The following DMD variants were observed in gnomAD, a reference collection of about 807,000 sequenced individuals.
DMD encodes mutant dystrophin.
A neutral mutation model predicts 330.1 loss-of-function variants in DMD; 63 were observed. The observed-to-expected ratio is 0.19, with a 90% CI of 0.16 to 0.24. The LOEUF (loss-of-function observed/expected upper bound fraction) is 0.24. Among genes scored for constraint, DMD ranks in the 10% least tolerant of loss-of-function variants. DMD has a pLI of 1.00. For synonymous variants in DMD, 1,223 were observed against 959.8 expected, an observed-to-expected ratio of 1.27 and a Z score of -5.07; for missense variants, 3,344 against 2,684.1, an observed-to-expected ratio of 1.25 and a Z score of -5.43.
rs185711183 is a variant in DMD, at chrX:32,820,477, A to C, written c.357+2818T>G. ...AATAAAAAAATAATAATAAATGAAC[A>C]ACTTGCAAGCAAGTGAAGAAATTAT... is the stretch of plus-strand genomic sequence containing the variant. On this transcript the variant is annotated intron_variant, in intron 5 of 78. Coordinates refer to ENST00000357033, the MANE Select transcript of DMD (RefSeq NM_004006.3). 3.6e-5 allele frequency among the ~76,000 whole-genome samples: 4 copies of C among 111,941 alleles called. No individual in the cohort carries two copies. In the East Asian group the frequency reaches 1.1e-3, roughly 31 times the overall value.
intron 49 of DMD, among the ~76,000 whole-genome samples, chrX:31,833,359 A>AAG (rs61677647): frequency 0.014 from 713 of 50,431 alleles, 53 homozygotes; most frequent in Non-Finnish European, 0.018. Flanking sequence ...GAGGGAGGGA[A>AAG]AGAGAGAGAG....
intron 42 of DMD, among the ~76,000 whole-genome samples, chrX:32,300,120 G>T (rs1233767505): frequency 8.9e-6 from 1 of 111,817 alleles, no homozygotes; most frequent in East Asian, 2.8e-4. Context: ...CATAGCACTT[G>T]TAGCATTAAT....
chrX:31,761,025 A>G (rs1227834344), intron 51 of DMD, among the ~76,000 whole-genome samples: 1 of 97,972 alleles, frequency 1.0e-5, no homozygotes, highest in Non-Finnish European at 2.0e-5. Flanking sequence ...AGCTGGGACC[A>G]CAGGCACCCA....
intron 15 of DMD, among the ~76,000 whole-genome samples, chrX:32,573,255 A>G (rs909758848): frequency 7.1e-5 from 8 of 112,036 alleles, no homozygotes; most frequent in Admixed American, 6.7e-4. Flanking sequence ...AGGCTCACAG[A>G]CATTTCTTAG....
Position 33,177,376 on chromosome X carries a change from A to G in DMD, c.31+33906T>C, listed in dbSNP as rs2049724634. ...AAGACAGTATACAAACGGAAATTTTATTTTATTTTGTTTTATTTATTTTTT... is the reference window on the plus strand; with the variant it reads ...AAGACAGTATACAAACGGAAATTTTGTTTTATTTTGTTTTATTTATTTTTT... On this transcript the variant is annotated intron_variant, in intron 1 of 78. Coordinates refer to ENST00000357033, the MANE Select transcript of DMD (RefSeq NM_004006.3). Among the ~76,000 whole-genome samples, 3 of 110,621 alleles carry G rather than the reference A, an allele frequency of 2.7e-5. No individual in the cohort carries two copies. The Admixed American group carries it at 2.9e-4, about 11-fold the overall frequency.
At chrX:31,192,315 CT>C (rs1375086473) in intron 67 of DMD, among the ~76,000 whole-genome samples, 3 of 112,092 alleles carry the variant, frequency 2.7e-5, no homozygotes, top group Admixed American at 1.9e-4. Flanking sequence ...CATTTTGATC[CT>C]CTTAGACACA....
At chrX:31,941,339 G>A (rs1441385718) in intron 45 of DMD, among the ~76,000 whole-genome samples, 8 of 111,393 alleles carry the variant, frequency 7.2e-5, no homozygotes, top group Non-Finnish European at 1.1e-4. Flanking sequence ...CTGCCTAAAC[G>A]TGCTCCTCTG....
intron 44 of DMD, among the ~76,000 whole-genome samples, chrX:32,195,938 GC>G (rs1434680774): frequency 8.9e-6 from 1 of 111,889 alleles, no homozygotes; most frequent in South Asian, 3.8e-4. Flanking sequence ...ATATAAGGCT[GC>G]CAAAGAAGTC....
At chrX:31,378,532 C>A (rs769995850) in intron 60 of DMD, among the ~76,000 whole-genome samples, 1 of 110,932 alleles carries the variant, frequency 9.0e-6, no homozygotes, top group Non-Finnish European at 1.9e-5. Context: ...TATTTAATCA[C>A]GCGGGGATGC....
intron 53 of DMD, among the ~76,000 whole-genome samples, chrX:31,665,837 C>T (rs2081393997): frequency 9.0e-6 from 1 of 111,309 alleles, no homozygotes; most frequent in Admixed American, 9.5e-5. Flanking sequence ...ATATTTTTCC[C>T]CTCTTTACTT....
At chrX:32,982,324 C>T (rs184155590) in intron 2 of DMD, among the ~76,000 whole-genome samples, 52 of 111,640 alleles carry the variant, frequency 4.7e-4, no homozygotes, top group Non-Finnish European at 6.0e-4. Flanking sequence ...TAGCACTGTA[C>T]ATGACACGTT....
chrX:32,385,305 A>C (rs2097950163), intron 33 of DMD, among the ~76,000 whole-genome samples: 1 of 111,012 alleles, frequency 9.0e-6, no homozygotes, highest in Admixed American at 9.6e-5. Flanking sequence ...CAATGAAAAA[A>C]GGACATTCTC....
At chrX:32,413,877 T>G (rs1053638672) in intron 29 of DMD, among the ~76,000 whole-genome samples, 1 of 109,491 alleles carries the variant, frequency 9.1e-6, no homozygotes, top group South Asian at 4.0e-4. Flanking sequence ...CCTGCCACCA[T>G]GCCTGGCGAA....
chrX:31,446,915 A>G (rs954396355), intron 59 of DMD, among the ~76,000 whole-genome samples: 5 of 111,901 alleles, frequency 4.5e-5, no homozygotes, highest in African/African-American at 1.6e-4. Flanking sequence ...AGCATCTTTC[A>G]GTGATACAGG....
intron 2 of DMD, among the ~76,000 whole-genome samples, chrX:32,910,973 C>G (rs1247852589): frequency 8.9e-6 from 1 of 111,881 alleles, no homozygotes; most frequent in Non-Finnish European, 1.9e-5. Context: ...ATGTTTATCC[C>G]TGTCTGCAGT....
At chrX:32,175,647 TAAGTA>T (rs199691167) in intron 44 of DMD, among the ~76,000 whole-genome samples, 20,397 of 110,087 alleles carry the variant, frequency 0.19, 1,661 homozygotes, top group Admixed American at 0.32. Flanking sequence ...ACTATGACCT[TAAGTA>T]AGTCTGTCTT....
At chrX:32,253,489 T>TA (rs2097285258) in intron 43 of DMD, among the ~76,000 whole-genome samples, 1 of 110,885 alleles carries the variant, frequency 9.0e-6, no homozygotes, top group African/African-American at 3.3e-5. Flanking sequence ...TTGGGAGATG[T>TA]TTATTTGGTG....
At chrX:31,122,006 T>C in intron 78 of DMD, 76 bp from the exon 79 acceptor site, 1 of 802,551 alleles carries the variant, frequency 1.2e-6, no homozygotes. Flanking sequence ...TCTTTGCCAT[T>C]TGGGAAATCA....
At chrX:33,156,116 T>G (rs943781171) in intron 1 of DMD, among the ~76,000 whole-genome samples, 8 of 111,518 alleles carry the variant, frequency 7.2e-5, no homozygotes, top group African/African-American at 2.6e-4. Flanking sequence ...TAGAAGTTTT[T>G]GACAACATAA....
Sources: allele counts gnomAD v4.1 joint callset (sites outside exome capture counted in the v4.1 genomes callset), GRCh38; gene constraint gnomAD v4.1.1; transcripts MANE v1.5; gene names NCBI Gene and HGNC (gene_info 2026-07-23, HGNC 2026-07-21).